Variants in DDX4 observed in about 807,000 individuals in gnomAD.
The protein encoded by DDX4 is DEAD-box helicase 4, also known as probable ATP-dependent RNA helicase DDX4.
In DDX4, 25 loss-of-function variants were observed where a neutral mutation model predicts 100.0. The ratio of observed to expected loss-of-function variants is 0.25; its 90% confidence interval spans 0.18 to 0.35. The LOEUF is 0.35. Among genes scored for constraint, DDX4 ranks in the 10% least tolerant of loss-of-function variants. The pLI is 1.00. For missense variants in DDX4, 635 were observed against 882.4 expected (o/e 0.72, Z 3.55); for synonymous variants, 259 against 275.7 (o/e 0.94, Z 0.60).
intron 3 of DDX4, among the ~76,000 whole-genome samples, chr5:55,746,487 T>C (rs1759254860): frequency 6.6e-6 from 1 of 152,092 alleles, no homozygotes. Flanking sequence ...GCTTCCAGGC[T>C]GCTAGGGCAT....
At chr5:55,762,102 A>G (rs1356277592) in intron 4 of DDX4, among the ~76,000 whole-genome samples, 2 of 152,158 alleles carry the variant, frequency 1.3e-5, no homozygotes, top group Non-Finnish European at 2.9e-5. Flanking sequence ...TTGGGCATAC[A>G]CAATTTTACA....
At chr5:55,807,867 T>A (rs544160964) in intron 18 of DDX4, among the ~76,000 whole-genome samples, 18 of 152,234 alleles carry the variant, frequency 1.2e-4, no homozygotes, top group Non-Finnish European at 2.4e-4. Flanking sequence ...AATGTTGGCC[T>A]GCCTTGCTAG....
At chr5:55,793,487 T>C (rs956146726) in intron 17 of DDX4, among the ~76,000 whole-genome samples, 2 of 152,242 alleles carry the variant, frequency 1.3e-5, no homozygotes, top group South Asian at 4.1e-4. Flanking sequence ...TATCGGGATG[T>C]TAACCCTGTT....
rs1410492750 is a variant in DDX4, at chr5:55,785,851, G to C, written c.844G>C (p.Asp282His). 1.2e-6 allele frequency: 2 copies of C among 1,610,692 alleles called. No homozygotes were observed. The highest frequency in any genetic ancestry group is 2.7e-5 in the African/African-American group (2 of 74,976). The change falls in exon 13 of 22, where the codon GAT becomes CAT. Residue 282 changes from aspartate to histidine, a missense_variant. This residue lies in a region of DDX4 where 446 missense variants were observed against 540.8 expected (regional missense o/e 0.82). Transcript: ENST00000505374. ...DTILVEVSGH[D>H]APPAILTFEE... Reference sequence around the variant, plus strand: ...TATTCTTGTGGAAGTGTCTGGACATGATGCACCACCAGCAATTCTGGTCAG... The same window carrying C: ...TATTCTTGTGGAAGTGTCTGGACATCATGCACCACCAGCAATTCTGGTCAG...
chr5:55,792,933 A>G (rs1165462554), intron 17 of DDX4, 126 bp downstream of exon 17: 1 of 522,212 alleles, frequency 1.9e-6, no homozygotes, highest in African/African-American at 2.0e-5. Context: ...TAGTTTAAAA[A>G]GTAGATGTAT....
intron 3 of DDX4, among the ~76,000 whole-genome samples, chr5:55,758,806 A>G (rs762515391): frequency 3.7e-5 from 5 of 133,526 alleles, no homozygotes; most frequent in Non-Finnish European, 7.8e-5. Flanking sequence ...GGCAAATTTT[A>G]TAGGTCTTTT....
chr5:55,816,136 C>T (rs766311586), intron 21 of DDX4, among the ~76,000 whole-genome samples: 4 of 151,932 alleles, frequency 2.6e-5, no homozygotes, highest in Admixed American at 6.6e-5. Context: ...GGCTGAACAC[C>T]GCCTTTATTC....
At chr5:55,749,327 G>A (rs1247213921) in intron 3 of DDX4, among the ~76,000 whole-genome samples, 1 of 152,144 alleles carries the variant, frequency 6.6e-6, no homozygotes, top group Non-Finnish European at 1.5e-5. Context: ...AGCTACTCAA[G>A]AGGCTGAGGT....
intron 16 of DDX4, among the ~76,000 whole-genome samples, chr5:55,791,429 G>A (rs1742550871): frequency 6.6e-6 from 1 of 152,018 alleles, no homozygotes; most frequent in African/African-American, 2.4e-5. Context: ...TTACTTTCTT[G>A]CTAAACATCT....
At chr5:55,765,413 A>AAATATATATAT (rs1392558099) in intron 6 of DDX4, among the ~76,000 whole-genome samples, 1 of 83,042 alleles carries the variant, frequency 1.2e-5, no homozygotes, top group Non-Finnish European at 2.1e-5. Flanking sequence ...AAAAAAAAAA[A>AAATATATATAT]ATATATATAT....
intron 10 of DDX4, among the ~76,000 whole-genome samples, chr5:55,784,960 C>G (rs1742153380): frequency 6.6e-6 from 1 of 152,166 alleles, no homozygotes; most frequent in Admixed American, 6.5e-5. Flanking sequence ...TATTCTGAGT[C>G]TGGTGAGTCT....
chr5:55,765,372 T>C (rs1431891638), intron 6 of DDX4, among the ~76,000 whole-genome samples: 1 of 142,264 alleles, frequency 7.0e-6, no homozygotes, highest in Non-Finnish European at 1.5e-5. Flanking sequence ...TCTACTTTCT[T>C]CTTTTTTCGT....
chr5:55,780,055 A>G lies in DDX4; in HGVS notation c.486A>G (p.Leu162=). The G allele has an allele frequency of 6.2e-7, 1 of 1,613,990 alleles. No individual in the cohort carries two copies. Among genetic ancestry groups the G allele is most frequent in the Non-Finnish European group, 8.5e-7 (1 of 1,179,934 alleles). Residue 162 remains leucine, a synonymous_variant, in exon 8 of 22, where the codon CTA becomes CTG. Coordinates refer to ENST00000505374, the MANE Select transcript of DDX4 (RefSeq NM_024415.3). Reference sequence around the variant, plus strand: ...GAGGTTGCCGTGGAGGATTTGGTCTAGGAAGTCCAAGTTAGTACTGGATTT... The same window carrying G: ...GAGGTTGCCGTGGAGGATTTGGTCTGGGAAGTCCAAGTTAGTACTGGATTT... ...SFRGCRGGFG[L]GSPNNDLDPD...
chr5:55,753,231 T>G lies in DDX4; in HGVS notation c.128-6969T>G, dbSNP rs1759683795. 3.3e-5 allele frequency among the ~76,000 whole-genome samples: 5 copies of G among 150,934 alleles called. 1 individual carries two copies. In the South Asian group the frequency reaches 6.3e-4, roughly 19 times the overall value. The stretch of plus-strand genomic sequence containing the variant: ...ATTTTGTCTTTTGTTGCCATTGCCC[T>G]ATGAAGTCCTTGCCCATGCCTATGT... On this transcript the variant is annotated intron_variant, in intron 3 of 21. Transcript: ENST00000505374.
In DDX4 at chr5:55,739,036, A is replaced by T; in HGVS notation, c.69+4A>T. On this transcript the variant is annotated splice_donor_region_variant and intron_variant, in intron 2 of 21. Transcript: ENST00000505374. ...CTATGTTCCCATATTTGAGAAGGTA[A>T]TAACATTTAAAGTTTAGTTATTAAA... The T allele has an allele frequency of 6.5e-7, 1 of 1,546,724 alleles. No homozygotes were observed. The highest frequency in any genetic ancestry group is 8.9e-7 in the Non-Finnish European group (1 of 1,122,582).
At position 55,787,835 on chromosome 5, in the gene DDX4, T is replaced by G. The variant is rs1184869093; in HGVS notation, c.1018-11T>G. The G allele has an allele frequency of 2.5e-6, 4 of 1,610,628 alleles. No individual in the cohort carries two copies. The highest frequency in any genetic ancestry group is 3.4e-6 in the Non-Finnish European group (4 of 1,178,814). ...GCTATAAGTTTGTAAACTAAGCAAC[T>G]TAACTTCTAGGCGGCTTTTCTCCTA... On this transcript the variant is annotated splice_polypyrimidine_tract_variant and intron_variant, in intron 14 of 21. Coordinates refer to ENST00000505374, the MANE Select transcript of DDX4 (RefSeq NM_024415.3).
chr5:55,813,585 T>G, intron 18 of DDX4, 88 bp from the exon 19 acceptor site: 2 of 1,424,764 alleles, frequency 1.4e-6, no homozygotes, highest in Non-Finnish European at 9.2e-7. Context: ...GGACAAAGTT[T>G]CATATTCAAG....
intron 9 of DDX4, 137 bp from the exon 10 acceptor site, chr5:55,781,797 T>A: frequency 2.4e-6 from 2 of 843,414 alleles, no homozygotes; most frequent in Non-Finnish European, 3.5e-6. Context: ...AAGTTAAATC[T>A]AAAATTAAGA....
At position 55,781,130 on chromosome 5, in the gene DDX4, A is replaced by G. The variant is rs200545883; in HGVS notation, c.561A>G (p.Pro187=). 8 of 1,612,302 alleles carry G rather than the reference A, an allele frequency of 5.0e-6. No individual in the cohort carries two copies. The East Asian group carries it at 1.8e-4, about 36-fold the overall frequency. The stretch of plus-strand genomic sequence containing the variant: ...GTGGCCTTTTTGGTTCTAGAAGACC[A>G]GTATTAAGTGGCACAGGTGAGAAAT... ...RTGGLFGSRR[P]VLSGTGNGDT... is the part of the protein sequence containing the mutation. The change falls in exon 9 of 22, where the codon CCA becomes CCG. Residue 187 remains proline (P), a synonymous_variant. Transcript: ENST00000505374.
Sources: gnomAD v4.1 joint callset for allele counts (sites outside exome capture counted in the v4.1 genomes callset) on GRCh38, gnomAD v4.1.1 for gene constraint, gnomAD v4.1.1 regional missense constraint, MANE v1.5 for transcripts, NCBI Gene and HGNC (gene_info 2026-07-23, HGNC 2026-07-21) for gene names.